Variants in HS6ST2 observed in about 807,000 individuals in gnomAD.
The protein encoded by HS6ST2 is heparan sulfate 6-O-sulfotransferase 2.
HS6ST2 carries 17 observed loss-of-function variants against 33.0 expected under a neutral mutation model. The ratio of observed to expected loss-of-function variants is 0.52; its 90% CI spans 0.35 to 0.77. The LOEUF is 0.77. Ranked by LOEUF, HS6ST2 falls within the 30% of genes least tolerant of loss-of-function variation. The probability of loss-of-function intolerance (pLI) is 0.01; values close to 1 mark genes in which losing one functional copy is unlikely to be tolerated. For synonymous variants in HS6ST2, 248 were observed against 237.1 expected, an observed-to-expected ratio of 1.05 and a Z score of -0.42; for missense variants, 519 against 551.7, an observed-to-expected ratio of 0.94 and a Z score of 0.59.
rs149008362 is a variant in HS6ST2, at chrX:132,725,395, G to A, written c.948-16901C>T. On this transcript the variant is annotated intron_variant, in intron 2 of 4. Coordinates refer to ENST00000370833, the MANE Select transcript of HS6ST2 (RefSeq NM_001394073.1). ...ATTTCTCAAAAGAAGACATGCAAAT[G>A]GCAAACAGGTATATGAAAAGGTGCT... is the stretch of plus-strand genomic sequence containing the variant. Among the ~76,000 whole-genome samples, 654 of 111,640 alleles carry A rather than the reference G, an allele frequency of 5.9e-3. 4 individuals are homozygous for A. The highest frequency in any genetic ancestry group is 0.02 in the African/African-American group (617 of 30,806).
intron 4 of HS6ST2, among the ~76,000 whole-genome samples, chrX:132,637,836 A>AATATATTATATAT (rs2063563841): frequency 6.9e-5 from 3 of 43,436 alleles, no homozygotes; most frequent in East Asian, 6.4e-4. Context: ...TATTATATAT[A>AATATATTATATAT]ATATTTTATA....
intron 2 of HS6ST2, among the ~76,000 whole-genome samples, chrX:132,860,778 T>A (rs981458440): frequency 6.6e-4 from 14 of 21,296 alleles, no homozygotes; most frequent in African/African-American, 4.9e-3. Context: ...CATGTGTATC[T>A]TTTTTTTTTT....
At chrX:132,900,511 T>C (rs1444533164) in intron 2 of HS6ST2, among the ~76,000 whole-genome samples, 1 of 109,468 alleles carries the variant, frequency 9.1e-6, no homozygotes, top group Non-Finnish European at 1.9e-5. Flanking sequence ...AGGCCAAGAG[T>C]TCAAAAACAG....
At chrX:132,759,874 C>T (rs1354267603) in intron 2 of HS6ST2, among the ~76,000 whole-genome samples, 1 of 111,577 alleles carries the variant, frequency 9.0e-6, no homozygotes, top group Admixed American at 9.5e-5. Flanking sequence ...AAATTACATG[C>T]CCTATTTCAC....
intron 2 of HS6ST2, among the ~76,000 whole-genome samples, chrX:132,897,604 A>G (rs933909828): frequency 9.0e-6 from 1 of 111,467 alleles, no homozygotes; most frequent in Admixed American, 9.5e-5. Context: ...AATAAATGGT[A>G]ACTTTTATTA....
At position 132,707,293 on chromosome X, in the gene HS6ST2, C is replaced by T. The variant is rs2064195602; in HGVS notation, c.980+1169G>A. On this transcript the variant is annotated intron_variant, in intron 3 of 4. Transcript: ENST00000370833. ...TTGGTACTTTGCCTCCATGACACAC[C>T]CAATCTATGATATTTAAATGTTCTC... 2.7e-5 allele frequency among the ~76,000 whole-genome samples: 3 copies of T among 112,022 alleles called. No individual in the cohort carries two copies. In the South Asian group the frequency reaches 1.1e-3, roughly 42 times the overall value.
At chrX:132,658,033 C>A (rs771029019) in intron 4 of HS6ST2, among the ~76,000 whole-genome samples, 1 of 109,950 alleles carries the variant, frequency 9.1e-6, no homozygotes, top group South Asian at 4.1e-4. Flanking sequence ...CTTGAAGAGC[C>A]ACTTGGAAGC....
intron 2 of HS6ST2, among the ~76,000 whole-genome samples, chrX:132,867,771 A>C (rs1399685933): frequency 8.9e-6 from 1 of 111,936 alleles, no homozygotes; most frequent in Non-Finnish European, 1.9e-5. Flanking sequence ...GCCTTACAAC[A>C]GCGCCTGAAG....
At chrX:132,912,940 A>G (rs1440611309) in intron 2 of HS6ST2, among the ~76,000 whole-genome samples, 1 of 111,006 alleles carries the variant, frequency 9.0e-6, no homozygotes, top group Non-Finnish European at 1.9e-5. Context: ...ACCCTTCCCT[A>G]ATTGGCTTTT....
chrX:132,718,601 C>T (rs1482509709), intron 2 of HS6ST2, among the ~76,000 whole-genome samples: 3 of 111,135 alleles, frequency 2.7e-5, no homozygotes, highest in Admixed American at 9.5e-5. Flanking sequence ...CTGTACAAGG[C>T]TGCAGCACAC....
At chrX:132,684,033 T>C (rs960600304) in intron 3 of HS6ST2, among the ~76,000 whole-genome samples, 2 of 109,650 alleles carry the variant, frequency 1.8e-5, no homozygotes, top group Non-Finnish European at 3.8e-5. Context: ...GGGTTAGCTC[T>C]GAGTTTCCCA....
At chrX:132,718,075 A>G (rs1366562558) in intron 2 of HS6ST2, among the ~76,000 whole-genome samples, 1 of 112,471 alleles carries the variant, frequency 8.9e-6, no homozygotes, top group East Asian at 2.8e-4. Context: ...ACAAACAATA[A>G]CAATCATACC....
intron 2 of HS6ST2, among the ~76,000 whole-genome samples, chrX:132,782,422 G>T (rs2065024330): frequency 1.8e-5 from 2 of 111,874 alleles, no homozygotes; most frequent in African/African-American, 3.3e-5. Flanking sequence ...CTTAAAGAAG[G>T]AGTCTTGGGC....
At chrX:132,905,869 G>T (rs1011629744) in intron 2 of HS6ST2, among the ~76,000 whole-genome samples, 5 of 111,734 alleles carry the variant, frequency 4.5e-5, no homozygotes, top group African/African-American at 1.6e-4. Flanking sequence ...ATGAAAAAAT[G>T]TTTTTAATTA....
At chrX:132,912,357 C>A (rs1448752836) in intron 2 of HS6ST2, among the ~76,000 whole-genome samples, 1 of 112,547 alleles carries the variant, frequency 8.9e-6, no homozygotes, top group Non-Finnish European at 1.9e-5. Flanking sequence ...ATCACAGCTG[C>A]CCCAGTGTTG....
At position 132,956,688 on chromosome X, in the gene HS6ST2, C is replaced by G. The variant is rs1279677209; in HGVS notation, c.947+120G>C. The G allele has an allele frequency of 6.8e-6, 6 of 876,983 alleles. No homozygotes were observed. The African/African-American group carries it at 1.3e-4, about 19-fold the overall frequency. The allele number at this position is 876,983 out of a possible 1,213,427, so 72.3% of individuals were successfully genotyped here. On this transcript the variant is annotated intron_variant, in intron 2 of 4. Transcript: ENST00000370833. ...TACTGGGCGCCCAGCACCTGCCCAG[C>G]CGGGGTGCAAACGCCCGGGCGTCAG...
intron 2 of HS6ST2, among the ~76,000 whole-genome samples, chrX:132,803,351 C>T (rs1312836475): frequency 9.0e-6 from 1 of 111,541 alleles, no homozygotes; most frequent in Non-Finnish European, 1.9e-5. Context: ...GAGAAGGGCC[C>T]TATAGAAGTT....
Position 132,628,955 on chromosome X carries a change from G to A in HS6ST2, c.1206C>T (p.Pro402=), listed in dbSNP as rs1361386019. The change falls in exon 5 of 5, where the codon CCC becomes CCT. Residue 402 remains proline (P), a synonymous_variant. Transcript: ENST00000370833. ...ACCAGTCATCGCCAGTGTAGCAGCT[G>A]GGCAGCTCTTCGGAGGTTGGAGGCC... The part of the protein sequence containing the change: ...DGRPPTSEEL[P]SCYTGDDWSG... 2 of 1,209,101 alleles carry A rather than the reference G, an allele frequency of 1.7e-6. No individual in the cohort carries two copies. The highest frequency in any genetic ancestry group is 2.2e-6 in the Non-Finnish European group (2 of 894,851).
intron 2 of HS6ST2, among the ~76,000 whole-genome samples, chrX:132,930,757 T>C (rs1188157405): frequency 9.0e-6 from 1 of 111,072 alleles, no homozygotes; most frequent in African/African-American, 3.3e-5. Context: ...CAGTGAAAAG[T>C]CCAATAATAC....
Sources: gnomAD v4.1 joint callset for allele counts (sites outside exome capture counted in the v4.1 genomes callset) on GRCh38, gnomAD v4.1.1 for gene constraint, MANE v1.5 for transcripts, NCBI Gene and HGNC (gene_info 2026-07-23, HGNC 2026-07-21) for gene names.